The following CENPF variants were observed in gnomAD, a reference collection of about 807,000 sequenced individuals.
CENPF encodes the protein AH antigen.
CENPF carries 214 observed loss-of-function variants against 307.3 expected under a neutral mutation model. The ratio of observed to expected loss-of-function variants is 0.70; its 90% CI spans 0.62 to 0.78. CENPF has a LOEUF of 0.78. CENPF is among the 30% of genes least tolerant of loss of function. CENPF has a pLI of 0.00. For missense variants in CENPF, 3,401 were observed against 3,483.9 expected (o/e 0.98, Z 0.60); for synonymous variants, 1,259 against 1,270.6 (o/e 0.99, Z 0.19).
At chr1:214,650,681 A>G (rs1294937487) in intron 14 of CENPF, among the ~76,000 whole-genome samples, 1 of 152,112 alleles carries the variant, frequency 6.6e-6, no homozygotes, top group Non-Finnish European at 1.5e-5. Context: ...GTGAGCTGAT[A>G]ACTTGAGTCC....
At chr1:214,624,978 A>G (rs76616658) in intron 7 of CENPF, among the ~76,000 whole-genome samples, 10,330 of 151,890 alleles carry the variant, frequency 0.068, 406 homozygotes, top group South Asian at 0.14. Flanking sequence ...GAAGGCATAT[A>G]CATTTGGGAT....
intron 10 of CENPF, among the ~76,000 whole-genome samples, chr1:214,635,368 G>A (rs1298492955): frequency 6.6e-6 from 1 of 152,238 alleles, no homozygotes; most frequent in Non-Finnish European, 1.5e-5. Context: ...CTAAAGCGAA[G>A]TTGATCTGGG....
Position 214,645,708 on chromosome 1 carries a change from A to G in CENPF, c.6138A>G (p.Ala2046=). 1.2e-6 allele frequency: 2 copies of G among 1,614,214 alleles called. No homozygotes were observed. Among genetic ancestry groups the G allele is most frequent in the Non-Finnish European group, 1.7e-6 (2 of 1,180,034 alleles). The part of the protein sequence containing the change: ...KLQSLEKDSQ[A]LSLTKCELEN... ...AGAGTTTGGAAAAGGACTCACAGGCACTGTCTTTGACAAAATGTGAGCTGG... is the reference window on the plus strand; with the variant it reads ...AGAGTTTGGAAAAGGACTCACAGGCGCTGTCTTTGACAAAATGTGAGCTGG... Residue 2046 remains alanine, a synonymous_variant, in exon 13 of 20, where the codon GCA becomes GCG. Transcript: ENST00000366955.
chr1:214,625,217 A>G (rs1039771919), intron 7 of CENPF, among the ~76,000 whole-genome samples: 2 of 151,714 alleles, frequency 1.3e-5, no homozygotes, highest in South Asian at 2.1e-4. Flanking sequence ...CTCTTTCACT[A>G]TCTGTCTTTT....
At chr1:214,656,325 C>T (rs1281711714) in intron 17 of CENPF, among the ~76,000 whole-genome samples, 1 of 152,142 alleles carries the variant, frequency 6.6e-6, no homozygotes, top group Non-Finnish European at 1.5e-5. Context: ...CTGTTGGAAA[C>T]AGTGCTCAGG....
At chr1:214,604,536 A>C (rs1462895747) in intron 1 of CENPF, among the ~76,000 whole-genome samples, 1 of 152,222 alleles carries the variant, frequency 6.6e-6, no homozygotes, top group Non-Finnish European at 1.5e-5. Flanking sequence ...AAAAGCATTC[A>C]GCTTGCCAGT....
At chr1:214,655,162 CTT>C (rs1454354316) in intron 16 of CENPF, 77 bp from the exon 17 acceptor site, 16 of 872,722 alleles carry the variant, frequency 1.8e-5, no homozygotes, top group Non-Finnish European at 2.3e-5. Flanking sequence ...ATATATGAAT[CTT>C]ATATCTTATA....
intron 19 of CENPF, among the ~76,000 whole-genome samples, chr1:214,660,287 T>G (rs1658756575): frequency 6.6e-6 from 1 of 152,208 alleles, no homozygotes; most frequent in South Asian, 2.1e-4. Context: ...TTCACTAAAG[T>G]GGACCCATTT....
chr1:214,624,007 T>C (rs896171438), intron 7 of CENPF, among the ~76,000 whole-genome samples: 2 of 151,542 alleles, frequency 1.3e-5, no homozygotes, highest in Non-Finnish European at 2.9e-5. Context: ...ACTTAAAACT[T>C]TTATTTTAAG....
chr1:214,635,852 A>T (rs925421534), intron 10 of CENPF, among the ~76,000 whole-genome samples: 12 of 152,068 alleles, frequency 7.9e-5, no homozygotes, highest in Non-Finnish European at 1.6e-4. Flanking sequence ...TAAACATAAA[A>T]TTCCCCATCT....
intron 1 of CENPF, chr1:214,608,823 C>A (rs373349172): frequency 6.3e-7 from 1 of 1,594,932 alleles, no homozygotes. Flanking sequence ...AGAGCTCACT[C>A]AGCGACAGCC....
In CENPF at chr1:214,641,503, C is replaced by T. The variant is rs1207646195; in HGVS notation, c.3165C>T (p.Cys1055=). 1 of 1,519,268 alleles carries T rather than the reference C, an allele frequency of 6.6e-7. No individual in the cohort carries two copies. The highest frequency in any genetic ancestry group is 8.8e-7 in the Non-Finnish European group (1 of 1,140,596). 94.1% of individuals were successfully genotyped at this position (1,519,268 alleles called of 1,614,324 possible). ...AAQEKNSKLE[C]LLNECTSLCE... Reference sequence around the variant, plus strand: ...AGGAAAAGAATTCTAAATTAGAATGCTTGCTAAATGAATGCACTAGTCTTT... The same window carrying T: ...AGGAAAAGAATTCTAAATTAGAATGTTTGCTAAATGAATGCACTAGTCTTT... Residue 1055 remains cysteine (C), a synonymous_variant, in exon 12 of 20, where the codon TGC becomes TGT. Transcript: ENST00000366955.
Position 214,647,147 on chromosome 1 carries a change from G to T in CENPF, c.7577G>T (p.Arg2526Ile). ...KLEKKDEEIS[R>I]LKNQIQDQEQ... ...GAGAAGAAGGATGAAGAAATCAGTA[G>T]ACTGAAAAATCAAATTCAAGACCAA... The change falls in exon 13 of 20, where the codon AGA becomes ATA. Residue 2526 changes from arginine to isoleucine, a missense_variant. Coordinates refer to ENST00000366955, the MANE Select transcript of CENPF (RefSeq NM_016343.4). 6.2e-7 allele frequency: 1 copy of T among 1,614,020 alleles called. No homozygotes were observed. Among genetic ancestry groups the T allele is most frequent in the South Asian group, 1.1e-5 (1 of 91,056 alleles).
In CENPF at chr1:214,640,095, ATAAGT is replaced by A. The variant is rs1558181884; in HGVS notation, c.1762_1766del (p.Leu588GlnfsTer21). On this transcript the variant is annotated frameshift_variant, in exon 12 of 20. Transcript: ENST00000366955. LOFTEE classifies it high-confidence loss of function. ...GAACATCACATTGAACAACTTAATG[ATAAGT>A]TAAGCAAGACAGAGAAAGAGTCCAA... The A allele has an allele frequency of 1.3e-6, 2 of 1,592,990 alleles. No homozygotes were observed. Among genetic ancestry groups the A allele is most frequent in the East Asian group, 2.2e-5 (1 of 44,764 alleles).
In CENPF at chr1:214,656,934, T is replaced by G; in HGVS notation, c.8487T>G (p.Gly2829=). 1 of 1,593,016 alleles carries G rather than the reference T, an allele frequency of 6.3e-7. No homozygotes were observed. Among genetic ancestry groups the G allele is most frequent in the Non-Finnish European group, 8.5e-7 (1 of 1,170,850 alleles). ...GATGTGTTGCTTTACTTTGGACAGG[T>G]ACTGTTATGGATACCAAGGTCGATG... The part of the protein sequence containing the change: ...LQAAQEKQKT[G]TVMDTKVDEL... The change falls in exon 18 of 20, where the codon GGT becomes GGG. Residue 2829 remains glycine (G), a splice_region_variant and synonymous_variant. Coordinates refer to ENST00000366955, the MANE Select transcript of CENPF (RefSeq NM_016343.4).
intron 1 of CENPF, among the ~76,000 whole-genome samples, chr1:214,607,940 C>T (rs1409357071): frequency 6.6e-6 from 1 of 152,192 alleles, no homozygotes; most frequent in Non-Finnish European, 1.5e-5. Flanking sequence ...CACTTGGCCC[C>T]AAGTGCTGCC....
chr1:214,654,135 T>C (rs1440360436), intron 16 of CENPF: 1 of 152,102 alleles, frequency 6.6e-6, no homozygotes, highest in Non-Finnish European at 1.5e-5. Flanking sequence ...CCATATCAGA[T>C]GGTTTTAGAA....
At position 214,644,992 on chromosome 1, in the gene CENPF, G is replaced by A; in HGVS notation, c.5422G>A (p.Asp1808Asn). 6.2e-7 allele frequency: 1 copy of A among 1,613,230 alleles called. No homozygotes were observed. The highest frequency in any genetic ancestry group is 8.5e-7 in the Non-Finnish European group (1 of 1,179,758). Residue 1808 changes from aspartate (D) to asparagine (N), a missense_variant, in exon 13 of 20, where the codon GAC becomes AAC. Asp to Asn is a conservative substitution (Grantham distance 23). Coordinates refer to ENST00000366955, the MANE Select transcript of CENPF (RefSeq NM_016343.4). ...ESLLNEMKELDSKLHLQEVQL... is the reference protein window; with the variant it reads ...ESLLNEMKELNSKLHLQEVQL... ...TTTGCTAAATGAAATGAAAGAATTA[G>A]ACTCAAAACTCCATTTACAGGAGGT... is the stretch of plus-strand genomic sequence containing the variant.
Position 214,657,249 on chromosome 1 carries a change from A to T in CENPF, c.8802A>T (p.Arg2934Ser), listed in dbSNP as rs72759668. ...GQNKASGKRQ[R>S]SSGIWENGRG... ...ATAAAGCTTCAGGCAAGAGGCAAAG[A>T]TCCAGTGGAATATGGGAGAATGGTA... Residue 2934 changes from arginine to serine, a missense_variant, in exon 18 of 20, where the codon AGA becomes AGT. By Grantham distance (110) the Arg-to-Ser change is moderately radical (BLOSUM62 -1). Coordinates refer to ENST00000366955, the MANE Select transcript of CENPF (RefSeq NM_016343.4). 3 of 1,614,148 alleles carry T rather than the reference A, an allele frequency of 1.9e-6. No homozygotes were observed. Among genetic ancestry groups the T allele is most frequent in the Non-Finnish European group, 2.5e-6 (3 of 1,180,016 alleles).
Sources: allele counts gnomAD v4.1 joint callset (sites outside exome capture counted in the v4.1 genomes callset), GRCh38; gene constraint gnomAD v4.1.1; transcripts MANE v1.5; gene names NCBI Gene and HGNC (gene_info 2026-07-23, HGNC 2026-07-21).